ITGA9: variants seen among roughly 807,000 people sequenced by gnomAD.
ITGA9 encodes integrin subunit alpha 9.
A neutral mutation model predicts 127.8 loss-of-function variants in ITGA9; 56 were observed. The ratio of observed to expected loss-of-function variants is 0.44; its 90% confidence interval spans 0.35 to 0.55. ITGA9 has a LOEUF of 0.55. Ranked by LOEUF, ITGA9 falls within the 20% of genes least tolerant of loss-of-function variation. The pLI, the probability that ITGA9 is intolerant of heterozygous loss-of-function variation, is 0.00. For synonymous variants in ITGA9, 508 were observed against 514.5 expected (o/e 0.99, Z 0.17); for missense variants, 1,196 against 1,347.1 (o/e 0.89, Z 1.76).
chr3:37,654,190 C>CCA (rs67516814), intron 17 of ITGA9, among the ~76,000 whole-genome samples: 35,280 of 146,146 alleles, frequency 0.24, 4,077 homozygotes, highest in Middle Eastern at 0.26. Flanking sequence ...CCTCCTGCCT[C>CCA]CACACACACA....
intron 3 of ITGA9, among the ~76,000 whole-genome samples, chr3:37,475,018 C>T (rs1027401122): frequency 6.6e-6 from 1 of 152,250 alleles, no homozygotes; most frequent in Admixed American, 6.5e-5. Context: ...GGGCCTCCCT[C>T]CTGGAAGCCG....
intron 27 of ITGA9, chr3:37,818,570 C>CT (rs1216797063): frequency 2.3e-5 from 8 of 355,438 alleles, no homozygotes; most frequent in Non-Finnish European, 3.8e-5. Flanking sequence ...GCCATGAAAC[C>CT]TTTTTTTACT....
At chr3:37,645,172 C>T (rs1301776424) in intron 16 of ITGA9, among the ~76,000 whole-genome samples, 1 of 152,144 alleles carries the variant, frequency 6.6e-6, no homozygotes, top group African/African-American at 2.4e-5. Context: ...TTGTGTGGGG[C>T]TATAGAAGGA....
intron 23 of ITGA9, among the ~76,000 whole-genome samples, chr3:37,774,764 A>G (rs1007445207): frequency 5.3e-5 from 8 of 152,046 alleles, no homozygotes; most frequent in Non-Finnish European, 8.8e-5. Context: ...ATTATTAGAC[A>G]CTTAAATTTT....
chr3:37,767,789 C>T (rs931920097), intron 23 of ITGA9, among the ~76,000 whole-genome samples: 3 of 152,106 alleles, frequency 2.0e-5, no homozygotes, highest in Non-Finnish European at 4.4e-5. Flanking sequence ...CTAATGAACA[C>T]GGGGTCTCTT....
chr3:37,792,865 G>A (rs886430142), intron 26 of ITGA9, among the ~76,000 whole-genome samples: 6 of 152,146 alleles, frequency 3.9e-5, no homozygotes, highest in Non-Finnish European at 8.8e-5. Flanking sequence ...GTGAAGGTGC[G>A]GTGACCGGTG....
At position 37,452,481 on chromosome 3, in the gene ITGA9, G is replaced by A. The variant is rs1185271157; in HGVS notation, c.107G>A (p.Arg36His). The change falls in exon 1 of 28, where the codon CGC becomes CAC. Residue 36 changes from arginine to histidine, a missense_variant. Arg to His is a conservative substitution (Grantham distance 29). Transcript: ENST00000264741. The surrounding 1 kb of genome is among the most constrained non-coding windows in gnomAD (Gnocchi z 7.3). Reference sequence around the variant, plus strand: ...GGCGCCTACAACCTCGACCCGCAGCGCCCCGTGCACTTCCAGGGCCCCGCT... The same window carrying A: ...GGCGCCTACAACCTCGACCCGCAGCACCCCGTGCACTTCCAGGGCCCCGCT... ...PAGAYNLDPQ[R>H]PVHFQGPADS... The A allele has an allele frequency of 1.3e-6, 2 of 1,512,342 alleles. No individual in the cohort carries two copies. The highest frequency in any genetic ancestry group is 1.8e-6 in the Non-Finnish European group (2 of 1,129,828). The allele number at this position is 1,512,342 out of a possible 1,614,324, so 93.7% of individuals were successfully genotyped here.
At chr3:37,764,858 A>G (rs1696762402) in intron 23 of ITGA9, among the ~76,000 whole-genome samples, 1 of 152,186 alleles carries the variant, frequency 6.6e-6, no homozygotes, top group Non-Finnish European at 1.5e-5. Context: ...TATTATGCAG[A>G]TCTGAGCCCA....
chr3:37,494,310 C>T (rs1698703792), intron 4 of ITGA9, among the ~76,000 whole-genome samples, 191 bp from the exon 5 acceptor site: 1 of 152,284 alleles, frequency 6.6e-6, no homozygotes, highest in East Asian at 1.9e-4. Flanking sequence ...CCCGATGGCA[C>T]CAGAGCCTGG....
At chr3:37,557,977 T>C (rs1038133622) in intron 15 of ITGA9, among the ~76,000 whole-genome samples, 3 of 152,234 alleles carry the variant, frequency 2.0e-5, no homozygotes, top group Non-Finnish European at 4.4e-5. Flanking sequence ...TTTCTCATTA[T>C]TATTACCTAG....
At chr3:37,684,683 G>A (rs1700765168) in intron 18 of ITGA9, among the ~76,000 whole-genome samples, 1 of 152,112 alleles carries the variant, frequency 6.6e-6, no homozygotes, top group African/African-American at 2.4e-5. Flanking sequence ...TGGCCAGGCT[G>A]GTCTGGAAAT....
chr3:37,723,367 T>A (rs1040681182), intron 18 of ITGA9, among the ~76,000 whole-genome samples: 20 of 151,956 alleles, frequency 1.3e-4, no homozygotes, highest in South Asian at 2.1e-4. Flanking sequence ...ATTATTTTTA[T>A]TATTATTATT....
chr3:37,530,669 A>T (rs574184), intron 13 of ITGA9, among the ~76,000 whole-genome samples: 150,763 of 150,766 alleles, frequency 1, 75,380 homozygotes, highest in Middle Eastern at 1. Context: ...AAGTGAAGTG[A>T]CAGGATTTGA....
At chr3:37,779,770 AT>A (rs1696953358) in intron 24 of ITGA9, 131 bp from the exon 25 acceptor site, 1 of 865,662 alleles carries the variant, frequency 1.2e-6, no homozygotes, top group East Asian at 2.5e-5. Context: ...GAACGATTGC[AT>A]CTTCTTGTGG....
intron 16 of ITGA9, among the ~76,000 whole-genome samples, chr3:37,641,683 G>A (rs139297582): frequency 5.1e-4 from 78 of 152,150 alleles, no homozygotes; most frequent in Admixed American, 1.3e-3. Flanking sequence ...AAGAAAATCC[G>A]GACACATGCT....
intron 5 of ITGA9, among the ~76,000 whole-genome samples, chr3:37,496,351 G>A (rs1698728058): frequency 6.6e-6 from 1 of 152,176 alleles, no homozygotes; most frequent in South Asian, 2.1e-4. Flanking sequence ...GAATGGCACC[G>A]CCAATCATCC....
chr3:37,493,954 A>C (rs1220788873), intron 4 of ITGA9, among the ~76,000 whole-genome samples: 1 of 152,094 alleles, frequency 6.6e-6, no homozygotes, highest in South Asian at 2.1e-4. Flanking sequence ...ACCTGGAGAG[A>C]TCTTCCCCCT....
chr3:37,668,148 A>G (rs1700603254), intron 17 of ITGA9, among the ~76,000 whole-genome samples: 1 of 152,136 alleles, frequency 6.6e-6, no homozygotes, highest in African/African-American at 2.4e-5. Context: ...CCTCCTGAGC[A>G]GACACTGGCT....
rs1326214460 is a variant in ITGA9 at position 37,508,506 on chromosome 3, A to G, written c.829-53A>G. On this transcript the variant is annotated intron_variant, in intron 7 of 27. Coordinates refer to ENST00000264741, the MANE Select transcript of ITGA9 (RefSeq NM_002207.3). ...GACTCCCAGGAGAGTGCTGATAAAT[A>G]TCTTTGATCATTGATTTCATCCTAA... is the stretch of plus-strand genomic sequence containing the variant. The G allele has an allele frequency of 2.1e-5, 30 of 1,460,746 alleles. No homozygotes were observed. In the Admixed American group the frequency reaches 4.7e-4, roughly 23 times the overall value. The allele number at this position is 1,460,746 out of a possible 1,614,324, so 90.5% of individuals were successfully genotyped here. A position where few individuals can be genotyped will look rare whatever the true frequency, so the allele number is the denominator to read the frequency against.
Sources: gnomAD v4.1 joint callset for allele counts (sites outside exome capture counted in the v4.1 genomes callset) on GRCh38, gnomAD v4.1.1 for gene constraint, Gnocchi (gnomAD v3.1) non-coding constraint, MANE v1.5 for transcripts, NCBI Gene and HGNC (gene_info 2026-07-23, HGNC 2026-07-21) for gene names.